Variants in RORA observed in about 807,000 individuals in gnomAD.
The protein encoded by RORA is nuclear receptor ROR-alpha.
A neutral mutation model predicts 69.5 loss-of-function variants in RORA; 7 were observed. The ratio of observed to expected loss-of-function variants is 0.10; its 90% confidence interval spans 0.06 to 0.19. RORA has a LOEUF of 0.19. RORA is among the 10% of genes least tolerant of loss of function. The probability of loss-of-function intolerance (pLI) is 1.00; values close to 1 mark genes in which losing one functional copy is unlikely to be tolerated. For synonymous variants in RORA, 261 were observed against 240.8 expected (o/e 1.08, Z -0.78); for missense variants, 457 against 663.0 (o/e 0.69, Z 3.41).
In RORA at chr15:60,497,344, T is replaced by A. The variant is rs372590319; in HGVS notation, c.*111A>T. On this transcript the variant is annotated 3_prime_UTR_variant, in exon 11 of 11. Coordinates refer to ENST00000335670, the MANE Select transcript of RORA (RefSeq NM_134261.3). ...ACCCCGATCACCAAAAGATGTGCAG[T>A]GTGTGGCGCTCCAGGTCTGTGCAGG... The A allele has an allele frequency of 3.7e-6, 3 of 805,680 alleles. No individual in the cohort carries two copies. Among genetic ancestry groups the A allele is most frequent in the Non-Finnish European group, 5.9e-6 (3 of 507,486 alleles). The allele number at this position is 805,680 out of a possible 1,614,324, so 49.9% of individuals were successfully genotyped here.
chr15:60,533,144 T>C (rs2066576027), intron 2 of RORA, among the ~76,000 whole-genome samples: 1 of 152,230 alleles, frequency 6.6e-6, no homozygotes, highest in African/African-American at 2.4e-5. Context: ...TTATAAACCA[T>C]GTGTACTGCT....
intron 1 of RORA, among the ~76,000 whole-genome samples, chr15:61,043,487 C>G (rs1896879537): frequency 6.6e-6 from 1 of 152,202 alleles, no homozygotes; most frequent in South Asian, 2.1e-4. Flanking sequence ...TGTCACTAGA[C>G]CAGCCCTTAA....
intron 1 of RORA, among the ~76,000 whole-genome samples, chr15:60,712,991 A>G (rs988665297): frequency 1.4e-4 from 21 of 150,526 alleles, no homozygotes; most frequent in Admixed American, 7.9e-4. Context: ...TTAAGCAGGG[A>G]AAAAAAAACA....
At chr15:60,507,214 C>G (rs1313385281) in intron 5 of RORA, among the ~76,000 whole-genome samples, 1 of 151,976 alleles carries the variant, frequency 6.6e-6, no homozygotes, top group African/African-American at 2.4e-5. Context: ...AATATAAAAC[C>G]ATATCAAAAA....
intron 1 of RORA, among the ~76,000 whole-genome samples, chr15:61,174,440 C>A (rs144276231): frequency 3.3e-5 from 5 of 152,178 alleles, no homozygotes; most frequent in African/African-American, 1.2e-4. Context: ...CACTGGCAAC[C>A]GCAAGTAGCC....
rs538458732 is a variant in RORA at position 61,194,987 on chromosome 15, G to A, written c.166+34066C>T. Among the ~76,000 whole-genome samples, 29 of 46,370 alleles carry A rather than the reference G, an allele frequency of 6.3e-4. 1 individual carries two copies. The East Asian group carries it at 0.013, about 21-fold the overall frequency. 30.4% of individuals were successfully genotyped at this position (46,370 alleles called of 152,430 possible). On this transcript the variant is annotated intron_variant, in intron 1 of 10. Transcript: ENST00000335670. ...CCAGAACAAAAAAAAAAGCCCTTTA[G>A]TTGCTGTTGTTGTTAATAATAATAA... is the stretch of plus-strand genomic sequence containing the variant.
chr15:61,085,047 C>A (rs527953889), intron 1 of RORA, among the ~76,000 whole-genome samples: 4 of 152,160 alleles, frequency 2.6e-5, no homozygotes, highest in East Asian at 1.9e-4. Context: ...CTCCCTCCCC[C>A]CTTGTTGCTA....
At chr15:60,840,035 G>C (rs373840330) in intron 1 of RORA, among the ~76,000 whole-genome samples, 1 of 152,210 alleles carries the variant, frequency 6.6e-6, no homozygotes, top group East Asian at 1.9e-4. Flanking sequence ...GAGAGTCTGG[G>C]AACAGCCAAG....
intron 1 of RORA, among the ~76,000 whole-genome samples, chr15:61,140,719 C>A (rs538808612): frequency 3.9e-5 from 6 of 152,232 alleles, no homozygotes; most frequent in African/African-American, 1.4e-4. Flanking sequence ...GCTGACCTTA[C>A]AGCAGTTTTA....
chr15:61,202,970 T>C (rs894686836), intron 1 of RORA, among the ~76,000 whole-genome samples: 2 of 152,236 alleles, frequency 1.3e-5, no homozygotes, highest in African/African-American at 2.4e-5. Flanking sequence ...AGTCAAAAAT[T>C]ACAATCATAT....
intron 3 of RORA, among the ~76,000 whole-genome samples, chr15:60,516,011 T>A (rs1195605099): frequency 9.7e-5 from 1 of 10,362 alleles, no homozygotes; most frequent in African/African-American, 2.8e-4. Context: ...TTATATATAT[T>A]TATATATATT....
chr15:60,564,873 C>CA (rs1717525428), intron 2 of RORA, among the ~76,000 whole-genome samples: 2 of 152,160 alleles, frequency 1.3e-5, no homozygotes, highest in Non-Finnish European at 1.5e-5. Context: ...ACCCTGCAAC[C>CA]AGTACAATAA....
intron 1 of RORA, among the ~76,000 whole-genome samples, chr15:60,971,852 G>A (rs1395811216): frequency 6.6e-6 from 1 of 152,212 alleles, no homozygotes; most frequent in Non-Finnish European, 1.5e-5. Context: ...TTGGGCCAGA[G>A]AGAGGGTGTG....
chr15:61,002,672 C>G (rs994792615), intron 1 of RORA, among the ~76,000 whole-genome samples: 1 of 152,160 alleles, frequency 6.6e-6, no homozygotes, highest in African/African-American at 2.4e-5. Flanking sequence ...CCAATCTCTG[C>G]AAGCAAATCA....
Position 60,537,096 on chromosome 15 carries a change from C to T in RORA, c.197-5245G>A, listed in dbSNP as rs2066703563. Among the ~76,000 whole-genome samples, 1 of 152,172 alleles carries T rather than the reference C, an allele frequency of 6.6e-6. No homozygotes were observed. Among genetic ancestry groups the T allele is most frequent in the Admixed American group, 6.5e-5 (1 of 15,288 alleles). ...TATTTTATCCCCTGTTTAAAACTGC[C>T]AGGGTATTAAAGGCTTCTGCAGCTG... On this transcript the variant is annotated intron_variant, in intron 2 of 10. Coordinates refer to ENST00000335670, the MANE Select transcript of RORA (RefSeq NM_134261.3). This position sits in a 1 kb window ranked among gnomAD's most constrained non-coding sequence, Gnocchi z 4.9.
chr15:61,026,296 C>T (rs1222082639), intron 1 of RORA, among the ~76,000 whole-genome samples: 2 of 152,162 alleles, frequency 1.3e-5, no homozygotes, highest in Admixed American at 6.5e-5. Flanking sequence ...CAACAGCGAA[C>T]GAGTTCACGA....
At chr15:60,878,425 T>G (rs1296208424) in intron 1 of RORA, among the ~76,000 whole-genome samples, 1 of 150,898 alleles carries the variant, frequency 6.6e-6, no homozygotes, top group Non-Finnish European at 1.5e-5. Context: ...CCTCACCCTC[T>G]GGGGACACAG....
intron 1 of RORA, among the ~76,000 whole-genome samples, chr15:61,156,053 T>C (rs1482452060): frequency 6.6e-6 from 1 of 152,078 alleles, no homozygotes; most frequent in Admixed American, 6.5e-5. Flanking sequence ...TTCTGGAAGA[T>C]AGTCCCTGAA....
intron 1 of RORA, among the ~76,000 whole-genome samples, chr15:60,902,796 A>G (rs1204552546): frequency 6.6e-6 from 1 of 152,068 alleles, no homozygotes; most frequent in East Asian, 1.9e-4. Context: ...AAAGAGGCAC[A>G]CAATCAGCTC....
Sources: allele counts gnomAD v4.1 joint callset (sites outside exome capture counted in the v4.1 genomes callset), GRCh38; gene constraint gnomAD v4.1.1; non-coding constraint Gnocchi (gnomAD v3.1); transcripts MANE v1.5; gene names NCBI Gene and HGNC (gene_info 2026-07-23, HGNC 2026-07-21).